Variants in CCDC91 observed in about 807,000 individuals in gnomAD.
CCDC91 encodes coiled-coil domain containing 91.
CCDC91 carries 48 observed loss-of-function variants against 63.2 expected under a neutral mutation model. The ratio of observed to expected loss-of-function variants is 0.76; its 90% CI spans 0.60 to 0.97. CCDC91 has a LOEUF of 0.97. Among genes scored for constraint, CCDC91 ranks in the 50% least tolerant of loss-of-function variants. The pLI is 0.00. For synonymous variants in CCDC91, 167 were observed against 165.8 expected (o/e 1.01, Z -0.06); for missense variants, 500 against 494.6 (o/e 1.01, Z -0.10).
At chr12:28,328,959 T>G (rs1398395192) in intron 6 of CCDC91, among the ~76,000 whole-genome samples, 1 of 152,062 alleles carries the variant, frequency 6.6e-6, no homozygotes, top group African/African-American at 2.4e-5. Context: ...CTTCAGACAA[T>G]GGAAAAGAAA....
At position 28,245,664 on chromosome 12, in the gene CCDC91, G is replaced by A. The variant is rs77243207; in HGVS notation, c.-14-11538G>A. The stretch of plus-strand genomic sequence containing the variant: ...CACAACACAGTCAAAAAATAAAGAT[G>A]TGAATAGGCATTTCACAAAGGAGGA... On this transcript the variant is annotated intron_variant, in intron 1 of 12. Transcript: ENST00000536442. Among the ~76,000 whole-genome samples, 313 of 152,182 alleles carry A rather than the reference G, an allele frequency of 2.1e-3. 2 individuals are homozygous for A. The highest frequency in any genetic ancestry group is 7.1e-3 in the African/African-American group (295 of 41,544).
rs116904346 is a variant in CCDC91, at chr12:28,483,636, T to G, written c.1102-416T>G. 3.3e-3 allele frequency among the ~76,000 whole-genome samples: 495 copies of G among 152,202 alleles called. 3 individuals carry two copies. The highest frequency in any genetic ancestry group is 5.4e-3 in the Non-Finnish European group (368 of 67,994). ...TAAATCTTACCACTCAGACCACACT[T>G]GATTATTGTGTGATGGCAAAATTAA... On this transcript the variant is annotated intron_variant, in intron 11 of 12. Transcript: ENST00000536442.
At chr12:28,197,174 C>A (rs575994480) in intron 1 of CCDC91, among the ~76,000 whole-genome samples, 87 of 151,922 alleles carry the variant, frequency 5.7e-4, no homozygotes, top group African/African-American at 1.9e-3. Context: ...GTTCTTTAGG[C>A]TATTTATTGT....
At chr12:28,225,793 A>C (rs985462958) in intron 1 of CCDC91, 2 of 152,216 alleles carry the variant, frequency 1.3e-5, no homozygotes, top group African/African-American at 4.8e-5. Context: ...TGTTTTGTTT[A>C]GGCTTCTAAC....
At chr12:28,531,195 C>T (rs770289951) in intron 12 of CCDC91, among the ~76,000 whole-genome samples, 4 of 152,074 alleles carry the variant, frequency 2.6e-5, no homozygotes, top group Non-Finnish European at 4.4e-5. Context: ...AATAATTCCT[C>T]CAGTTTCACA....
intron 8 of CCDC91, among the ~76,000 whole-genome samples, chr12:28,449,215 G>A (rs531059172): frequency 2.6e-5 from 4 of 152,058 alleles, no homozygotes; most frequent in African/African-American, 9.6e-5. Flanking sequence ...AATATAGACT[G>A]TCTCCCTAAA....
At chr12:28,218,421 CAATT>C (rs948226889) in intron 1 of CCDC91, among the ~76,000 whole-genome samples, 1 of 150,244 alleles carries the variant, frequency 6.7e-6, no homozygotes, top group African/African-American at 2.4e-5. Context: ...GGTGTATAAA[CAATT>C]AAAATCACCA....
At chr12:28,208,823 T>C (rs1008367497) in intron 1 of CCDC91, among the ~76,000 whole-genome samples, 2 of 152,140 alleles carry the variant, frequency 1.3e-5, no homozygotes, top group African/African-American at 4.8e-5. Context: ...TTTTTTGAGA[T>C]GGAGTCTTGC....
At chr12:28,255,824 G>A (rs1946408324) in intron 1 of CCDC91, 1 of 152,006 alleles carries the variant, frequency 6.6e-6, no homozygotes, top group African/African-American at 2.4e-5. Context: ...TGAAATTAAT[G>A]TTTTTACTGT....
chr12:28,258,982 GA>G (rs1946640775), intron 2 of CCDC91, among the ~76,000 whole-genome samples: 1 of 151,886 alleles, frequency 6.6e-6, no homozygotes, highest in African/African-American at 2.4e-5. Context: ...TTAATTAAAA[GA>G]ATTTGGTGTC....
At chr12:28,506,924 C>T (rs1938798276) in intron 12 of CCDC91, among the ~76,000 whole-genome samples, 3 of 151,168 alleles carry the variant, frequency 2.0e-5, no homozygotes. Context: ...TCAAATCTAC[C>T]AGTAGTCACA....
intron 8 of CCDC91, among the ~76,000 whole-genome samples, chr12:28,406,424 G>T (rs1946950728): frequency 6.6e-6 from 1 of 152,132 alleles, no homozygotes; most frequent in South Asian, 2.1e-4. Flanking sequence ...TAGCTAGGTT[G>T]TATGGTAAAG....
At chr12:28,277,104 A>T (rs190289072) in intron 3 of CCDC91, among the ~76,000 whole-genome samples, 8 of 152,104 alleles carry the variant, frequency 5.3e-5, no homozygotes, top group East Asian at 1.9e-4. Flanking sequence ...TTTCTCTGTA[A>T]GATCACGCAG....
intron 8 of CCDC91, among the ~76,000 whole-genome samples, chr12:28,393,867 G>T (rs1196341489): frequency 1.3e-5 from 2 of 152,108 alleles, no homozygotes; most frequent in Non-Finnish European, 2.9e-5. Context: ...TTATTAAAAG[G>T]ATTCAGCCAA....
intron 12 of CCDC91, among the ~76,000 whole-genome samples, chr12:28,507,712 C>G (rs1938904928): frequency 6.6e-6 from 1 of 151,918 alleles, no homozygotes; most frequent in Non-Finnish European, 1.5e-5. Context: ...TAATAATCAG[C>G]TGATACTAGG....
intron 8 of CCDC91, among the ~76,000 whole-genome samples, chr12:28,409,211 T>C (rs1213425326): frequency 6.6e-6 from 1 of 152,198 alleles, no homozygotes; most frequent in Non-Finnish European, 1.5e-5. Flanking sequence ...ATTTTAGCTG[T>C]ACCTGTTTTT....
chr12:28,417,456 A>G (rs1565940712), intron 8 of CCDC91, among the ~76,000 whole-genome samples: 1 of 151,826 alleles, frequency 6.6e-6, no homozygotes, highest in African/African-American at 2.4e-5. Context: ...AGGTCTCAAT[A>G]GTTTTTATTT....
chr12:28,271,265 A>C (rs1947752282), intron 3 of CCDC91, among the ~76,000 whole-genome samples: 1 of 152,068 alleles, frequency 6.6e-6, no homozygotes, highest in Admixed American at 6.6e-5. Flanking sequence ...ATGTAGATAC[A>C]CTGTCAATTT....
intron 1 of CCDC91, among the ~76,000 whole-genome samples, chr12:28,254,677 T>C (rs1430209348): frequency 1.3e-5 from 2 of 152,144 alleles, no homozygotes; most frequent in East Asian, 3.8e-4. Context: ...TTTAAAAATA[T>C]TTCTCTAGAA....
Sources: allele counts gnomAD v4.1 joint callset (sites outside exome capture counted in the v4.1 genomes callset), GRCh38; gene constraint gnomAD v4.1.1; transcripts MANE v1.5; gene names NCBI Gene and HGNC (gene_info 2026-07-23, HGNC 2026-07-21).